The following SAXO4 variants were observed in gnomAD, a reference collection of about 807,000 sequenced individuals.
The protein encoded by SAXO4 is protein phosphatase 1 regulatory subunit 32.
At chr11:61,485,900 C>T in the SAXO4 span, 4 of 1,613,204 alleles carry the variant, frequency 2.5e-6, no homozygotes, top group Non-Finnish European at 2.5e-6. Flanking sequence ...ACAGGCCCTC[C>T]CTGGGGACCC....
the SAXO4 span, chr11:61,482,789 C>G: frequency 6.2e-7 from 1 of 1,609,870 alleles, no homozygotes; most frequent in Non-Finnish European, 8.5e-7. Flanking sequence ...AAGCCCAGTG[C>G]GGGTCCCCCC....
chr11:61,486,420 G>A, the SAXO4 span: 1 of 1,614,064 alleles, frequency 6.2e-7, no homozygotes, highest in African/African-American at 1.3e-5. Context: ...TGAGCTAGGG[G>A]GAGGCTGGGG....
At chr11:61,487,135 C>T in the SAXO4 span, 4 of 1,613,762 alleles carry the variant, frequency 2.5e-6, no homozygotes, top group African/African-American at 2.7e-5. Context: ...CTGTCTACCC[C>T]TCTTGTGCAG....
the SAXO4 span, chr11:61,485,291 G>C: frequency 6.4e-7 from 1 of 1,569,364 alleles, no homozygotes; most frequent in East Asian, 2.2e-5. Flanking sequence ...ACGCCTTCGG[G>C]GCCCTGGTGG....
chr11:61,490,699 C>T, the SAXO4 span: 1 of 899,684 alleles, frequency 1.1e-6, no homozygotes, highest in Admixed American at 1.9e-5. Flanking sequence ...GACCCCCCTT[C>T]CAAGTGGGGG....
At chr11:61,486,119 A>G in the SAXO4 span, among the ~76,000 whole-genome samples, 1 of 152,238 alleles carries the variant, frequency 6.6e-6, no homozygotes, top group Non-Finnish European at 1.5e-5. Context: ...GGTGTAGCCA[A>G]TGTCATTCAG....
At chr11:61,487,140 G>A in the SAXO4 span, 37 of 1,613,400 alleles carry the variant, frequency 2.3e-5, no homozygotes, top group Non-Finnish European at 2.8e-5. Context: ...TACCCCTCTT[G>A]TGCAGGAGCC....
the SAXO4 span, chr11:61,481,905 C>T: frequency 6.3e-7 from 1 of 1,582,212 alleles, no homozygotes; most frequent in Non-Finnish European, 8.5e-7. Flanking sequence ...CCACCAGCTA[C>T]TGCACCGCCT....
At chr11:61,481,829 TG>T in the SAXO4 span, 91 of 1,528,972 alleles carry the variant, frequency 6.0e-5, no homozygotes, top group South Asian at 1.1e-3. Context: ...AAACTCCCCC[TG>T]GGGGTCGTCT....
the SAXO4 span, chr11:61,486,759 C>G: frequency 9.0e-6 from 8 of 885,604 alleles, no homozygotes; most frequent in Non-Finnish European, 1.4e-5. Context: ...GTGAAGAGAG[C>G]CTGGGCCTTC....
At chr11:61,487,209 G>A in the SAXO4 span, 1 of 1,614,008 alleles carries the variant, frequency 6.2e-7, no homozygotes, top group Non-Finnish European at 8.5e-7. Context: ...TCCTGACAGG[G>A]ATCAGCGATA....
At chr11:61,489,506 G>A in the SAXO4 span, 20 of 576,474 alleles carry the variant, frequency 3.5e-5, no homozygotes, top group Non-Finnish European at 1.2e-5. Context: ...GATGAGACGG[G>A]GTCCCCACCC....
chr11:61,485,728 G>A, the SAXO4 span: 956,143 of 1,180,088 alleles, frequency 0.81, 393,609 homozygotes, highest in East Asian at 0.97. Flanking sequence ...CACCTGCTGG[G>A]ACACTGAGCC....
chr11:61,481,973 GCT>G, the SAXO4 span: 2 of 1,249,644 alleles, frequency 1.6e-6, no homozygotes, highest in Non-Finnish European at 2.3e-6. Flanking sequence ...GAAGGGAGGG[GCT>G]CTCTCTGAGG....
chr11:61,487,163 C>A, the SAXO4 span: 2 of 1,614,026 alleles, frequency 1.2e-6, no homozygotes, highest in East Asian at 4.5e-5. Context: ...CAGGGTTCAG[C>A]CTTAACAACC....
the SAXO4 span, chr11:61,486,625 C>T: frequency 6.2e-6 from 10 of 1,611,826 alleles, no homozygotes; most frequent in Non-Finnish European, 8.5e-6. Flanking sequence ...GTGGCCTTGG[C>T]GTCTTGCTCA....
At chr11:61,490,772 A>G in the SAXO4 span, 1 of 607,318 alleles carries the variant, frequency 1.6e-6, no homozygotes, top group Non-Finnish European at 2.9e-6. Flanking sequence ...GAACCACCCC[A>G]GAGCCCCTTG....
the SAXO4 span, chr11:61,485,548 C>T: frequency 2.5e-6 from 2 of 803,364 alleles, no homozygotes; most frequent in Non-Finnish European, 2.0e-6. Flanking sequence ...GGAAGCGCCT[C>T]TCCCGGGCTG....
chr11:61,485,427 C>T, the SAXO4 span: 646 of 1,600,592 alleles, frequency 4.0e-4, no homozygotes, highest in Non-Finnish European at 5.1e-4. Context: ...ACTCACAGCT[C>T]CCTTCCCATC....
Sources: allele counts gnomAD v4.1 joint callset (sites outside exome capture counted in the v4.1 genomes callset), GRCh38; gene constraint gnomAD v4.1.1; transcripts MANE v1.5; gene names NCBI Gene and HGNC (gene_info 2026-07-23, HGNC 2026-07-21).